Variants in COL5A3 observed in about 807,000 individuals in gnomAD.
COL5A3 encodes collagen type V alpha 3 chain.
A neutral mutation model predicts 250.0 loss-of-function variants in COL5A3; 172 were observed. The ratio of observed to expected loss-of-function variants is 0.69; its 90% CI spans 0.61 to 0.78. The LOEUF is 0.78. Ranked by LOEUF, COL5A3 falls within the 30% of genes least tolerant of loss-of-function variation. The pLI, the probability that COL5A3 is intolerant of heterozygous loss-of-function variation, is 0.00. For missense variants in COL5A3, 2,340 were observed against 2,334.4 expected, an observed-to-expected ratio of 1.00 and a Z score of -0.05; for synonymous variants, 937 against 900.4, an observed-to-expected ratio of 1.04 and a Z score of -0.73.
At chr19:9,981,301 C>T (rs1477727606) in intron 32 of COL5A3, among the ~76,000 whole-genome samples, 169 bp from the exon 33 acceptor site, 1 of 152,200 alleles carries the variant, frequency 6.6e-6, no homozygotes, top group Non-Finnish European at 1.5e-5. Context: ...CTCAAAACCA[C>T]ACAAAGATCT....
chr19:9,977,308 C>T, intron 43 of COL5A3, 26 bp from the exon 44 acceptor site: 1 of 1,613,840 alleles, frequency 6.2e-7, no homozygotes, highest in East Asian at 2.2e-5. Flanking sequence ...GATGAAGGAC[C>T]CAGCTTCCAT....
intron 3 of COL5A3, 29 bp downstream of exon 3, chr19:10,005,767 G>A (rs751178874): frequency 1.5e-5 from 24 of 1,599,382 alleles, no homozygotes; most frequent in East Asian, 6.7e-5. Context: ...CCTTATCCAC[G>A]GACCCCCGCC....
Position 9,966,633 on chromosome 19 carries a change from G to T in COL5A3, c.4572C>A (p.Ser1524Arg). ...EEVLASLTSL[S>R]LELEQLRRPP... ...GACGCCGCAGCTGCTCCAGCTCCAA[G>T]CTCAGCGATGTGAGCGAGGCCAGCA... is the stretch of plus-strand genomic sequence containing the variant. The change falls in exon 63 of 67, where the codon AGC becomes AGA. Residue 1524 changes from serine to arginine, a missense_variant. By Grantham distance (110) the Ser-to-Arg change is moderately radical (BLOSUM62 -1). Coordinates refer to ENST00000264828, the MANE Select transcript of COL5A3 (RefSeq NM_015719.4). The T allele has an allele frequency of 6.5e-7, 1 of 1,538,554 alleles. No individual in the cohort carries two copies.
At position 9,966,580 on chromosome 19, in the gene COL5A3, A is replaced by G. The variant is rs2086749938; in HGVS notation, c.4625T>C (p.Leu1542Pro). ...RPPGTAERPG[L>P]VCHELHRNHP... ...GTTGCGGTGCAGCTCGTGGCACACG[A>G]GGCCCGGGCGCTCCGCAGTGCCGGG... The change falls in exon 63 of 67, where the codon CTC becomes CCC. Residue 1542 changes from leucine to proline, a missense_variant. Physicochemically the swap from Leu to Pro is moderately conservative, Grantham distance 98. Coordinates refer to ENST00000264828, the MANE Select transcript of COL5A3 (RefSeq NM_015719.4). The G allele has an allele frequency of 1.9e-6, 3 of 1,541,936 alleles. No individual in the cohort carries two copies. The highest frequency in any genetic ancestry group is 2.6e-6 in the Non-Finnish European group (3 of 1,147,428).
intron 40 of COL5A3, 54 bp downstream of exon 40, chr19:9,978,837 C>T: frequency 2.4e-6 from 3 of 1,253,612 alleles, no homozygotes; most frequent in Middle Eastern, 2.0e-4. Flanking sequence ...CCCCTGACCC[C>T]CCCATCCTTT....
At chr19:9,967,228 A>C in intron 62 of COL5A3, 119 bp downstream of exon 62, 2 of 679,702 alleles carry the variant, frequency 2.9e-6, no homozygotes, top group Non-Finnish European at 4.6e-6. Flanking sequence ...TCCTCTGAAC[A>C]CCTAGTGTGT....
rs746983055 is a variant in COL5A3, at chr19:9,966,269, G to T, written c.4782+45C>A. 5 of 1,445,882 alleles carry T rather than the reference G, an allele frequency of 3.5e-6. No individual in the cohort carries two copies. The African/African-American group carries it at 7.0e-5, about 20-fold the overall frequency. 89.6% of individuals were successfully genotyped at this position (1,445,882 alleles called of 1,614,324 possible). A position where few individuals can be genotyped will look rare whatever the true frequency, so the allele number is the denominator to read the frequency against. On this transcript the variant is annotated intron_variant, in intron 64 of 66. Transcript: ENST00000264828. ...GTGGTTGTGGGTGTGGGGAGCAGGGGACAGCACTTCCTGGGGGAGGCGATG... is the reference window on the plus strand; with the variant it reads ...GTGGTTGTGGGTGTGGGGAGCAGGGTACAGCACTTCCTGGGGGAGGCGATG...
At chr19:9,996,034 A>G in intron 15 of COL5A3, 32 bp downstream of exon 15, 9 of 1,522,318 alleles carry the variant, frequency 5.9e-6, no homozygotes, top group Non-Finnish European at 7.9e-6. Context: ...GGCTATTCCC[A>G]TCCTATCCTG....
chr19:9,960,553 C>A lies in COL5A3; in HGVS notation c.5096G>T (p.Arg1699Leu). 1 of 1,614,144 alleles carries A rather than the reference C, an allele frequency of 6.2e-7. No individual in the cohort carries two copies. The highest frequency in any genetic ancestry group is 1.1e-5 in the South Asian group (1 of 91,078). Residue 1699 changes from arginine (R) to leucine (L), a missense_variant, in exon 67 of 67, where the codon CGG becomes CTG. Around this residue, in one of 3 missense-constraint regions of COL5A3, gnomAD observed 1,179 missense variants for 1,162.6 expected, o/e 1.01. Transcript: ENST00000264828. ...VSVPQDGCRL[R>L]KGQTKTLFEF... is the part of the protein sequence containing the mutation. ...GAAAAGGGTCTTCGTCTGTCCTTTCCGGAGCTGTCCCCAGAGAAGACAGAG... is the reference window on the plus strand; with the variant it reads ...GAAAAGGGTCTTCGTCTGTCCTTTCAGGAGCTGTCCCCAGAGAAGACAGAG...
At position 9,995,561 on chromosome 19, in the gene COL5A3, C is replaced by G. The variant is rs377406558; in HGVS notation, c.1587+3G>C. ...GTGGTCTGGGGACCTAGCTGTCACT[C>G]ACCATCTTGCCCACTCGGCCAGGGG... On this transcript the variant is annotated splice_donor_region_variant and intron_variant, in intron 16 of 66. Transcript: ENST00000264828. 1.6e-4 allele frequency: 251 copies of G among 1,607,334 alleles called. No individual in the cohort carries two copies. The highest frequency in any genetic ancestry group is 2.1e-4 in the Non-Finnish European group (249 of 1,176,140).
Position 9,993,047 on chromosome 19 carries a change from C to T in COL5A3, c.1770G>A (p.Gly590=), listed in dbSNP as rs765101592. 2 of 1,613,896 alleles carry T rather than the reference C, an allele frequency of 1.2e-6. No individual in the cohort carries two copies. The highest frequency in any genetic ancestry group is 1.1e-5 in the South Asian group (1 of 91,058). Residue 590 remains glycine (G), a synonymous_variant, in exon 20 of 67, where the codon GGG becomes GGA. Transcript: ENST00000264828. ...CCGGCTCCCCAGCCTGGCCAGTGGGCCCTGGAGGTCCCTCTGCTCCCTGTG... is the reference window on the plus strand; with the variant it reads ...CCGGCTCCCCAGCCTGGCCAGTGGGTCCTGGAGGTCCCTCTGCTCCCTGTG... ...DGERGAEGPP[G]PTGQAGEPGP... is the part of the protein sequence containing the mutation.
In COL5A3 at chr19:9,967,413, G is replaced by A; in HGVS notation, c.4405-13C>T. On this transcript the variant is annotated splice_polypyrimidine_tract_variant and intron_variant, in intron 61 of 66. Transcript: ENST00000264828. ...GGCCCATGGACCCCTGTAGGGAGAAGTCACTTGGAGAATGAACCCTGTCTA... is the reference window on the plus strand; with the variant it reads ...GGCCCATGGACCCCTGTAGGGAGAAATCACTTGGAGAATGAACCCTGTCTA... 1 of 1,499,814 alleles carries A rather than the reference G, an allele frequency of 6.7e-7. No individual in the cohort carries two copies. The highest frequency in any genetic ancestry group is 8.8e-7 in the Non-Finnish European group (1 of 1,132,208). The allele number at this position is 1,499,814 out of a possible 1,614,324, so 92.9% of individuals were successfully genotyped here. A position where few individuals can be genotyped will look rare whatever the true frequency, so the allele number is the denominator to read the frequency against.
At chr19:9,971,938 A>T (rs1217287279) in intron 51 of COL5A3, among the ~76,000 whole-genome samples, 2 of 151,420 alleles carry the variant, frequency 1.3e-5, no homozygotes, top group Non-Finnish European at 2.9e-5. Context: ...TCAATGATGT[A>T]TAACCACTGC....
In COL5A3 at chr19:9,986,335, G is replaced by A. The variant is rs1198998727; in HGVS notation, c.2332C>T (p.Pro778Ser). The A allele has an allele frequency of 6.3e-7, 1 of 1,582,602 alleles. No homozygotes were observed. The highest frequency in any genetic ancestry group is 8.5e-7 in the Non-Finnish European group (1 of 1,171,122). Residue 778 changes from proline (P) to serine (S), a missense_variant, in exon 30 of 67, where the codon CCA becomes TCA. Physicochemically the swap from Pro to Ser is moderately conservative, Grantham distance 74. This residue lies in a region of COL5A3 where 1,152 missense variants were observed against 1,146.3 expected (regional missense o/e 1.00). Transcript: ENST00000264828. Reference protein sequence around the residue: ...QAGQAGEEGPPGSAGEKGKLG... With the variant: ...QAGQAGEEGPSGSAGEKGKLG... ...TTTACCTTCTCCCCAGCTGAGCCTG[G>A]GGGCCCCTCCTCGCCAGCCTGCCCC...
At chr19:9,977,947 CATATATATATATATAT>C (rs372091609) in intron 41 of COL5A3, among the ~76,000 whole-genome samples, 5,783 of 106,124 alleles carry the variant, frequency 0.054, 462 homozygotes, top group African/African-American at 0.16. Flanking sequence ...GCAGCCTATA[CATATATATATATATAT>C]ATATATATAT....
Position 10,010,307 on chromosome 19 carries a change from TC to T in COL5A3, c.78del (p.Thr27ArgfsTer9). 2.1e-6 allele frequency: 3 copies of T among 1,450,406 alleles called. No individual in the cohort carries two copies. Among genetic ancestry groups the T allele is most frequent in the South Asian group, 1.4e-5 (1 of 69,622 alleles). 89.8% of individuals were successfully genotyped at this position (1,450,406 alleles called of 1,614,324 possible). On this transcript the variant is annotated frameshift_variant, in exon 1 of 67. Coordinates refer to ENST00000264828, the MANE Select transcript of COL5A3 (RefSeq NM_015719.4). LOFTEE classifies it high-confidence loss of function. ...LLLAALQLLP[G>X]TQADPVDVLK... ...TTCCCTCCCGGCTCACCGGCCTGCGTCCCCGGCAGAAGCTGCAGCGCGGCCA... is the reference window on the plus strand; with the variant it reads ...TTCCCTCCCGGCTCACCGGCCTGCGTCCCGGCAGAAGCTGCAGCGCGGCCA...
chr19:10,007,075 T>G (rs9797907), intron 1 of COL5A3, among the ~76,000 whole-genome samples: 39,353 of 134,094 alleles, frequency 0.29, 5,736 homozygotes, highest in South Asian at 0.4. Context: ...GACCTCTTCC[T>G]TCTGACTTTC....
chr19:10,003,463 G>A (rs1361720482), intron 6 of COL5A3, 102 bp downstream of exon 6: 1 of 1,154,584 alleles, frequency 8.7e-7, no homozygotes, highest in African/African-American at 1.5e-5. Context: ...GAGATTAGTA[G>A]AGATGGGAGA....
chr19:9,976,157 G>A (rs2086919006), intron 45 of COL5A3, among the ~76,000 whole-genome samples: 1 of 152,144 alleles, frequency 6.6e-6, no homozygotes, highest in Non-Finnish European at 1.5e-5. Flanking sequence ...TGTTGGCATT[G>A]AGGGGAAGAC....
Sources: gnomAD v4.1 joint callset for allele counts (sites outside exome capture counted in the v4.1 genomes callset) on GRCh38, gnomAD v4.1.1 for gene constraint, gnomAD v4.1.1 regional missense constraint, MANE v1.5 for transcripts, NCBI Gene and HGNC (gene_info 2026-07-23, HGNC 2026-07-21) for gene names.